MTHFD1: variants seen among roughly 807,000 people sequenced by gnomAD.
MTHFD1 encodes C-1-tetrahydrofolate synthase, cytoplasmic.
Under a neutral mutation model 110.3 loss-of-function variants are expected in MTHFD1, and 44 were observed. The ratio of observed to expected loss-of-function variants is 0.40; its 90% CI spans 0.31 to 0.51. The LOEUF is 0.51. Ranked by LOEUF, MTHFD1 falls within the 20% of genes least tolerant of loss-of-function variation. The pLI, the probability that MTHFD1 is intolerant of heterozygous loss-of-function variation, is 0.60. For synonymous variants in MTHFD1, 402 were observed against 428.8 expected (o/e 0.94, Z 0.77); for missense variants, 909 against 1,173.1 (o/e 0.77, Z 3.29).
intron 25 of MTHFD1, among the ~76,000 whole-genome samples, chr14:64,454,307 TTTGCCCTG>T (rs1357981189): frequency 6.6e-6 from 1 of 151,982 alleles, no homozygotes; most frequent in African/African-American, 2.4e-5. Context: ...GAGATGGGGT[TTTGCCCTG>T]TTGCCCAGGC....
chr14:64,434,537 C>A (rs746268278), intron 15 of MTHFD1, among the ~76,000 whole-genome samples: 6 of 152,214 alleles, frequency 3.9e-5, no homozygotes, highest in Non-Finnish European at 5.9e-5. Context: ...GCCTAAGTGA[C>A]AGAATGAGAC....
chr14:64,400,929 A>G, intron 2 of MTHFD1, 52 bp downstream of exon 2: 1 of 1,304,236 alleles, frequency 7.7e-7, no homozygotes, highest in Non-Finnish European at 1.1e-6. Flanking sequence ...ATTTCTCAGT[A>G]TCATTTCAGA....
At chr14:64,401,487 G>A (rs910811799) in intron 2 of MTHFD1, among the ~76,000 whole-genome samples, 2 of 152,184 alleles carry the variant, frequency 1.3e-5, no homozygotes, top group African/African-American at 4.8e-5. Flanking sequence ...CAGATCACCT[G>A]AGGTCAGGAG....
At chr14:64,397,187 ATAT>A (rs1566553247) in intron 1 of MTHFD1, among the ~76,000 whole-genome samples, 47 of 7,356 alleles carry the variant, frequency 6.4e-3, no homozygotes, top group African/African-American at 0.021. Context: ...ATATATATAT[ATAT>A]AAAAAACAGT....
chr14:64,396,363 A>G (rs1380231913), intron 1 of MTHFD1, among the ~76,000 whole-genome samples: 1 of 149,390 alleles, frequency 6.7e-6, no homozygotes, highest in Non-Finnish European at 1.5e-5. Flanking sequence ...GGAACTACAT[A>G]TTAAGTTTTT....
In MTHFD1 at chr14:64,411,159, G is replaced by C. The variant is rs2140952912; in HGVS notation, c.186+10G>C. Reference sequence around the variant, plus strand: ...GAAGGCTGCTGAAGAGGTAACGCCAGAAGAGCTGTGCCATCACCCTCCCCA... The same window carrying C: ...GAAGGCTGCTGAAGAGGTAACGCCACAAGAGCTGTGCCATCACCCTCCCCA... On this transcript the variant is annotated intron_variant, in intron 3 of 27. Coordinates refer to ENST00000652337, the MANE Select transcript of MTHFD1 (RefSeq NM_005956.4). The C allele has an allele frequency of 1.2e-6, 2 of 1,609,774 alleles. No homozygotes were observed. The highest frequency in any genetic ancestry group is 1.7e-6 in the Non-Finnish European group (2 of 1,177,426).
intron 12 of MTHFD1, among the ~76,000 whole-genome samples, chr14:64,428,815 G>A (rs565159531): frequency 4.1e-5 from 6 of 147,416 alleles, no homozygotes; most frequent in Non-Finnish European, 7.5e-5. Context: ...GCCTCCCAAT[G>A]TGCTGGGATA....
At chr14:64,454,524 C>A (rs1170503763) in intron 25 of MTHFD1, among the ~76,000 whole-genome samples, 199 bp from the exon 26 acceptor site, 1 of 151,138 alleles carries the variant, frequency 6.6e-6, no homozygotes. Flanking sequence ...TTGTGAGTAC[C>A]TAACTCCCTC....
chr14:64,443,436 T>C (rs1021362531), intron 21 of MTHFD1, among the ~76,000 whole-genome samples: 3 of 152,194 alleles, frequency 2.0e-5, no homozygotes, highest in Non-Finnish European at 4.4e-5. Flanking sequence ...TGTTGTGACA[T>C]CACATGTCTC....
At chr14:64,458,552 G>A in intron 27 of MTHFD1, 1 of 523,392 alleles carries the variant, frequency 1.9e-6, no homozygotes, top group Non-Finnish European at 3.4e-6. Context: ...ACAGTGTAGG[G>A]GAGAAAACTG....
chr14:64,435,338 G>A (rs996032208), intron 15 of MTHFD1, among the ~76,000 whole-genome samples: 8 of 151,944 alleles, frequency 5.3e-5, no homozygotes, highest in African/African-American at 1.5e-4. Flanking sequence ...TATAATCCTC[G>A]TTGCTCATTC....
intron 1 of MTHFD1, among the ~76,000 whole-genome samples, chr14:64,400,542 C>T (rs2077887666): frequency 1.3e-5 from 2 of 152,004 alleles, no homozygotes; most frequent in African/African-American, 4.8e-5. Context: ...AAAAATTAGC[C>T]AGGTGTGGTG....
chr14:64,406,600 C>G (rs944019916), intron 2 of MTHFD1, among the ~76,000 whole-genome samples: 1 of 150,856 alleles, frequency 6.6e-6, no homozygotes, highest in African/African-American at 2.4e-5. Context: ...TCAAGCTATC[C>G]TCCCATCTCA....
At chr14:64,419,744 T>C (rs2078054250) in intron 7 of MTHFD1, 70 bp from the exon 8 acceptor site, 7 of 1,027,486 alleles carry the variant, frequency 6.8e-6, no homozygotes, top group South Asian at 6.4e-5. Flanking sequence ...GATATCCTTT[T>C]CATTTCTGGG....
At chr14:64,426,321 A>T in intron 11 of MTHFD1, 129 bp downstream of exon 11, 1 of 995,442 alleles carries the variant, frequency 1.0e-6, no homozygotes, top group South Asian at 1.4e-5. Context: ...CCCGTATTTG[A>T]TCTCATTTGA....
intron 23 of MTHFD1, among the ~76,000 whole-genome samples, chr14:64,448,838 T>C (rs990430338): frequency 6.6e-6 from 1 of 151,968 alleles, no homozygotes; most frequent in Non-Finnish European, 1.5e-5. Flanking sequence ...CTGTCTCTGT[T>C]GCCCAGGCTG....
chr14:64,394,991 A>G (rs2077835658), intron 1 of MTHFD1, among the ~76,000 whole-genome samples: 1 of 152,188 alleles, frequency 6.6e-6, no homozygotes, highest in Non-Finnish European at 1.5e-5. Flanking sequence ...GGCCAGATCT[A>G]TGGTTAGGTA....
chr14:64,388,564 TG>T lies in MTHFD1; in HGVS notation c.41+97del. Reference sequence around the variant, plus strand: ...ACCCATTTTTTGCGGGAGGGACACTTGTAGCGGAAGAGTTAGGCCCATAACA... The same window carrying T: ...ACCCATTTTTTGCGGGAGGGACACTTTAGCGGAAGAGTTAGGCCCATAACA... On this transcript the variant is annotated intron_variant, in intron 1 of 27. Transcript: ENST00000652337. 2.7e-6 allele frequency: 3 copies of T among 1,130,082 alleles called. No homozygotes were observed. The Admixed American group carries it at 5.3e-5, about 20-fold the overall frequency. 70.0% of individuals were successfully genotyped at this position (1,130,082 alleles called of 1,614,324 possible).
chr14:64,451,213 G>T (rs753262836), intron 24 of MTHFD1, among the ~76,000 whole-genome samples: 5 of 152,030 alleles, frequency 3.3e-5, no homozygotes, highest in Non-Finnish European at 7.4e-5. Context: ...GTAGTGACTG[G>T]GTCTCCCTAT....
Sources: allele counts gnomAD v4.1 joint callset (sites outside exome capture counted in the v4.1 genomes callset), GRCh38; gene constraint gnomAD v4.1.1; transcripts MANE v1.5; gene names NCBI Gene and HGNC (gene_info 2026-07-23, HGNC 2026-07-21).